The following POLR1C variants were observed in gnomAD, a reference collection of about 807,000 sequenced individuals.
POLR1C encodes the protein DNA-directed RNA polymerases I and III subunit RPAC1.
A neutral mutation model predicts 38.3 loss-of-function variants in POLR1C; 42 were observed. The observed-to-expected ratio is 1.10, with a 90% CI of 0.86 to 1.42. The LOEUF is 1.42. Ranked by LOEUF, POLR1C falls within the 40% of genes most tolerant of loss-of-function variation. The pLI is 0.00. For synonymous variants in POLR1C, 163 were observed against 163.9 expected (o/e 0.99, Z 0.04); for missense variants, 507 against 450.5 (o/e 1.13, Z -1.14).
At chr6:43,554,545 C>T (rs1186268783) in intron 10 of POLR1C, among the ~76,000 whole-genome samples, 5 of 151,974 alleles carry the variant, frequency 3.3e-5, no homozygotes, top group Non-Finnish European at 7.4e-5. Flanking sequence ...CTGCCTCAGC[C>T]TCCTGAGTAG....
At chr6:43,526,789 A>G in intron 8 of POLR1C, 3 of 1,598,850 alleles carry the variant, frequency 1.9e-6, no homozygotes, top group South Asian at 1.1e-5. Flanking sequence ...GGGTGGGTAT[A>G]TACTACCACA....
At chr6:43,529,119 A>T in intron 8 of POLR1C, 1 of 1,144,938 alleles carries the variant, frequency 8.7e-7, no homozygotes, top group Non-Finnish European at 1.3e-6. Context: ...ATTCCATTAT[A>T]CTCTTAGTTT....
At chr6:43,548,461 C>G in intron 9 of POLR1C, 1 of 1,532,360 alleles carries the variant, frequency 6.5e-7, no homozygotes, top group Non-Finnish European at 8.8e-7. Context: ...CAAAATTGGG[C>G]TACAGATCAA....
downstream of POLR1C, chr6:43,525,091 G>A (rs1391682549): frequency 1.3e-6 from 2 of 1,569,856 alleles, no homozygotes; most frequent in East Asian, 2.3e-5. Context: ...CAGGGAAAAG[G>A]GGTGAATAAC....
At chr6:43,555,203 AAGTGCTGGGAT>A (rs1213386412) in intron 10 of POLR1C, 1 of 152,252 alleles carries the variant, frequency 6.6e-6, no homozygotes, top group East Asian at 1.9e-4. Context: ...TGGGCTCCCA[AAGTGCTGGGAT>A]TACAAGCGTG....
chr6:43,532,829 T>C (rs1794067060), downstream of POLR1C, among the ~76,000 whole-genome samples: 1 of 152,344 alleles, frequency 6.6e-6, no homozygotes, highest in Non-Finnish European at 1.5e-5. Flanking sequence ...GGAAAATGAA[T>C]TAAAGCAGTA....
chr6:43,518,453 T>G (rs1792959108), intron 2 of POLR1C, among the ~76,000 whole-genome samples: 1 of 152,134 alleles, frequency 6.6e-6, no homozygotes, highest in African/African-American at 2.4e-5. Context: ...TTTCTGCATG[T>G]GGAGAAATCT....
At chr6:43,558,163 A>G (rs1762211053) in intron 10 of POLR1C, among the ~76,000 whole-genome samples, 1 of 152,176 alleles carries the variant, frequency 6.6e-6, no homozygotes, top group Non-Finnish European at 1.5e-5. Context: ...ATATTAGAAT[A>G]AAATGGATTT....
At position 43,547,630 on chromosome 6, in the gene POLR1C, G is replaced by A. The variant is rs781583963; in HGVS notation, c.*5-3338G>A. The A allele has an allele frequency of 9.3e-6, 15 of 1,613,830 alleles. No individual in the cohort carries two copies. Among genetic ancestry groups the A allele is most frequent in the East Asian group, 4.5e-5 (2 of 44,890 alleles). ...TACTCGTGCACGGTTTAAGCCACAC[G>A]GATCCTCCAGGCCTGGGTCACAGCT... On this transcript the variant is annotated intron_variant, in intron 9 of 10. Transcript: ENST00000607635.
At chr6:43,531,706 T>C (rs1793990925), downstream of POLR1C, 1 of 760,402 alleles carries the variant, frequency 1.3e-6, no homozygotes, top group Non-Finnish European at 2.3e-6. Context: ...TGCAAAGCAG[T>C]TGGCTACGTG....
chr6:43,547,687 G>C, intron 9 of POLR1C: 1 of 1,613,952 alleles, frequency 6.2e-7, no homozygotes, highest in Non-Finnish European at 8.5e-7. Flanking sequence ...CGCAATGAAA[G>C]CATCAACATC....
At chr6:43,562,156 A>T in exon 11 of POLR1C, 1 of 985,606 alleles carries the variant, frequency 1.0e-6, no homozygotes, top group Non-Finnish European at 1.5e-6. Flanking sequence ...GCTAAAATCA[A>T]TGACATTTGC....
At chr6:43,553,296 C>T (rs932015234) in intron 10 of POLR1C, 48 of 1,492,844 alleles carry the variant, frequency 3.2e-5, no homozygotes, top group Admixed American at 1.5e-4. Flanking sequence ...AGAGATATAG[C>T]GTCCCAAAAT....
At chr6:43,520,514 C>T (rs747345588) in intron 6 of POLR1C, 87 bp downstream of exon 6, 220 of 1,601,080 alleles carry the variant, frequency 1.4e-4, no homozygotes, top group Middle Eastern at 1.9e-4. Context: ...GAGACATTCC[C>T]GGCAGGTAGA....
At chr6:43,529,106 T>C (rs1183952995) in intron 8 of POLR1C, 3 of 1,081,630 alleles carry the variant, frequency 2.8e-6, no homozygotes, top group Non-Finnish European at 4.1e-6. Flanking sequence ...GCACTGATAT[T>C]GAATTCCATT....
intron 9 of POLR1C, chr6:43,539,752 GTT>G (rs1326057703): frequency 1.3e-5 from 8 of 602,146 alleles, no homozygotes; most frequent in Non-Finnish European, 2.3e-5. Flanking sequence ...CTTGGGAATA[GTT>G]TGTCTAAGAG....
intron 10 of POLR1C, chr6:43,553,772 T>A: frequency 2.5e-6 from 1 of 397,148 alleles, no homozygotes; most frequent in Non-Finnish European, 3.9e-6. Context: ...AGCCTTGTAG[T>A]AAAACCATTT....
At chr6:43,538,684 A>T in intron 9 of POLR1C, 1 of 420,544 alleles carries the variant, frequency 2.4e-6, no homozygotes, top group Non-Finnish European at 4.1e-6. Flanking sequence ...TTAGGCCTAT[A>T]ATTTTCCTCT....
At chr6:43,556,300 G>A (rs1183440136) in intron 10 of POLR1C, among the ~76,000 whole-genome samples, 3 of 152,138 alleles carry the variant, frequency 2.0e-5, no homozygotes, top group African/African-American at 7.2e-5. Context: ...AAGGTGGGCA[G>A]ACTGCTTGTG....
Sources: gnomAD v4.1 joint callset for allele counts (sites outside exome capture counted in the v4.1 genomes callset) on GRCh38, gnomAD v4.1.1 for gene constraint, MANE v1.5 for transcripts, NCBI Gene and HGNC (gene_info 2026-07-23, HGNC 2026-07-21) for gene names.